CDK14: variants seen among roughly 807,000 people sequenced by gnomAD.
CDK14 encodes the protein cyclin dependent kinase 14.
In CDK14, 34 loss-of-function variants were observed where a neutral mutation model predicts 60.7. The ratio of observed to expected loss-of-function variants is 0.56; its 90% CI spans 0.43 to 0.75. The LOEUF (loss-of-function observed/expected upper bound fraction) is 0.75. Ranked by LOEUF, CDK14 falls within the 30% of genes least tolerant of loss-of-function variation. The probability of loss-of-function intolerance (pLI) is 0.00; values close to 1 mark genes in which losing one functional copy is unlikely to be tolerated. For synonymous variants in CDK14, 197 were observed against 203.7 expected (o/e 0.97, Z 0.28); for missense variants, 482 against 564.1 (o/e 0.85, Z 1.47).
At chr7:90,754,249 C>A (rs1803966106) in intron 4 of CDK14, among the ~76,000 whole-genome samples, 1 of 152,140 alleles carries the variant, frequency 6.6e-6, no homozygotes, top group Non-Finnish European at 1.5e-5. Flanking sequence ...GCTACAGTAA[C>A]TGAAACAGCA....
intron 4 of CDK14, among the ~76,000 whole-genome samples, chr7:90,789,998 C>G (rs1459219649): frequency 1.3e-5 from 2 of 150,628 alleles, no homozygotes; most frequent in African/African-American, 4.9e-5. Flanking sequence ...ATATTCATAA[C>G]TTTTTTGATG....
chr7:90,603,939 A>C (rs1799367815), intron 1 of CDK14, among the ~76,000 whole-genome samples: 1 of 152,256 alleles, frequency 6.6e-6, no homozygotes. Context: ...TTCCAACTAA[A>C]GAAGAGATAG....
At chr7:91,051,802 C>G (rs750269847) in intron 11 of CDK14, among the ~76,000 whole-genome samples, 10 of 152,168 alleles carry the variant, frequency 6.6e-5, no homozygotes, top group Non-Finnish European at 1.3e-4. Flanking sequence ...ATGTGAATCC[C>G]AGGATCACTT....
chr7:90,911,305 A>G (rs1792891331), intron 7 of CDK14, among the ~76,000 whole-genome samples: 1 of 152,194 alleles, frequency 6.6e-6, no homozygotes, highest in Non-Finnish European at 1.5e-5. Context: ...ACAATGTGAA[A>G]TGGTTAACAA....
chr7:90,973,086 GT>G (rs1353241796), intron 9 of CDK14, among the ~76,000 whole-genome samples: 1 of 152,150 alleles, frequency 6.6e-6, no homozygotes, highest in Non-Finnish European at 1.5e-5. Flanking sequence ...CCTGTAATGA[GT>G]TATGGTTCTG....
At chr7:90,788,526 A>G (rs1308206133) in intron 4 of CDK14, among the ~76,000 whole-genome samples, 1 of 152,214 alleles carries the variant, frequency 6.6e-6, no homozygotes, top group East Asian at 1.9e-4. Context: ...AGCAGAAGGA[A>G]AAAGAAACAC....
intron 2 of CDK14, among the ~76,000 whole-genome samples, chr7:90,717,360 G>A (rs192938555): frequency 7.9e-5 from 12 of 152,118 alleles, no homozygotes; most frequent in Non-Finnish European, 1.6e-4. Context: ...TTCCATAATA[G>A]AATTAGCAAA....
chr7:90,888,117 C>T (rs1792008032), intron 6 of CDK14, among the ~76,000 whole-genome samples: 1 of 152,052 alleles, frequency 6.6e-6, no homozygotes, highest in Admixed American at 6.6e-5. Context: ...TTTGGGAGGC[C>T]AAGGTGGGCG....
At chr7:90,736,327 A>T in intron 3 of CDK14, among the ~76,000 whole-genome samples, 1 of 139,522 alleles carries the variant, frequency 7.2e-6, no homozygotes. Context: ...TTGTGATAAG[A>T]AGGGGTACTT....
chr7:91,180,595 A>C (rs1233928581), intron 14 of CDK14, among the ~76,000 whole-genome samples: 1 of 152,210 alleles, frequency 6.6e-6, no homozygotes, highest in African/African-American at 2.4e-5. Flanking sequence ...TTCTACAATA[A>C]AGATCAGGAA....
At chr7:91,104,843 AAG>A (rs1799240233) in intron 12 of CDK14, among the ~76,000 whole-genome samples, 1 of 152,202 alleles carries the variant, frequency 6.6e-6, no homozygotes, top group African/African-American at 2.4e-5. Flanking sequence ...TTAGTTTTAA[AAG>A]AGAGAGATGG....
intron 10 of CDK14, among the ~76,000 whole-genome samples, chr7:90,986,261 T>TTATAATATAA (rs1795369576): frequency 6.6e-6 from 1 of 152,074 alleles, no homozygotes; most frequent in Non-Finnish European, 1.5e-5. Flanking sequence ...CAGTTTTTCA[T>TTATAATATAA]TATAATAAAA....
chr7:90,652,565 G>A (rs1020114166), intron 2 of CDK14, among the ~76,000 whole-genome samples: 1 of 152,118 alleles, frequency 6.6e-6, no homozygotes. Flanking sequence ...CTCTGTACTT[G>A]GGATATAGAA....
chr7:91,005,592 CA>C (rs1271674656), intron 10 of CDK14, among the ~76,000 whole-genome samples: 2 of 152,154 alleles, frequency 1.3e-5, no homozygotes, highest in Admixed American at 6.5e-5. Flanking sequence ...CATTGTGGGT[CA>C]AAGGTTATAG....
intron 10 of CDK14, among the ~76,000 whole-genome samples, chr7:91,045,532 A>G (rs1797208038): frequency 1.3e-5 from 2 of 152,186 alleles, no homozygotes; most frequent in South Asian, 2.1e-4. Context: ...GACATGTGAT[A>G]CTGGAGTGAA....
At chr7:90,680,105 A>G (rs1265284220) in intron 2 of CDK14, among the ~76,000 whole-genome samples, 1 of 151,870 alleles carries the variant, frequency 6.6e-6, no homozygotes, top group African/African-American at 2.4e-5. Context: ...TTTCGTTTGT[A>G]TGTATATCCC....
At chr7:91,078,333 G>A (rs766935889) in intron 11 of CDK14, among the ~76,000 whole-genome samples, 4 of 152,160 alleles carry the variant, frequency 2.6e-5, no homozygotes, top group Non-Finnish European at 4.4e-5. Context: ...CAGGCCAGGC[G>A]CAGTGGCTCA....
intron 14 of CDK14, among the ~76,000 whole-genome samples, chr7:91,148,922 C>T (rs961160123): frequency 2.0e-5 from 3 of 152,112 alleles, no homozygotes; most frequent in Non-Finnish European, 4.4e-5. Context: ...ACATGAGACA[C>T]CATATGTGAA....
At chr7:91,063,595 AAAG>A (rs1346340019) in intron 11 of CDK14, among the ~76,000 whole-genome samples, 4 of 152,238 alleles carry the variant, frequency 2.6e-5, no homozygotes, top group Non-Finnish European at 4.4e-5. Flanking sequence ...CAACTGTAAA[AAAG>A]GAGGACAATT....
Sources: gnomAD v4.1 joint callset for allele counts (sites outside exome capture counted in the v4.1 genomes callset) on GRCh38, gnomAD v4.1.1 for gene constraint, MANE v1.5 for transcripts, NCBI Gene and HGNC (gene_info 2026-07-23, HGNC 2026-07-21) for gene names.